Variants in RNF169 observed in about 807,000 individuals in gnomAD.
RNF169 encodes E3 ubiquitin-protein ligase RNF169.
RNF169 carries 24 observed loss-of-function variants against 53.9 expected under a neutral mutation model. The ratio of observed to expected loss-of-function variants is 0.45; its 90% CI spans 0.32 to 0.63. The LOEUF (loss-of-function observed/expected upper bound fraction) is 0.63. Ranked by LOEUF, RNF169 falls within the 20% of genes least tolerant of loss-of-function variation. The pLI is 0.04. For synonymous variants in RNF169, 396 were observed against 363.5 expected (o/e 1.09, Z -1.02); for missense variants, 883 against 906.2 (o/e 0.97, Z 0.33).
At chr11:74,764,941 C>T (rs537026025) in intron 1 of RNF169, among the ~76,000 whole-genome samples, 7 of 152,120 alleles carry the variant, frequency 4.6e-5, no homozygotes, top group South Asian at 2.1e-4. Flanking sequence ...AGACTGGACA[C>T]GGTGGTTCAT....
At chr11:74,833,648 T>C (rs775460677) in intron 4 of RNF169, among the ~76,000 whole-genome samples, 4 of 152,196 alleles carry the variant, frequency 2.6e-5, no homozygotes, top group Non-Finnish European at 4.4e-5. Context: ...TTCTCTGTAT[T>C]CTCAGTGCCT....
intron 2 of RNF169, among the ~76,000 whole-genome samples, chr11:74,796,784 G>A (rs1249210945): frequency 6.6e-6 from 1 of 152,216 alleles, no homozygotes; most frequent in African/African-American, 2.4e-5. Context: ...GAGCATATGA[G>A]TGGCTTAGGC....
At chr11:74,798,497 G>A (rs2035682419) in intron 2 of RNF169, among the ~76,000 whole-genome samples, 1 of 152,150 alleles carries the variant, frequency 6.6e-6, no homozygotes, top group Admixed American at 6.5e-5. Flanking sequence ...CCTGTCTCCT[G>A]ATAAGATGTT....
At chr11:74,829,898 T>C (rs1428901502) in intron 4 of RNF169, among the ~76,000 whole-genome samples, 1 of 152,088 alleles carries the variant, frequency 6.6e-6, no homozygotes, top group Non-Finnish European at 1.5e-5. Context: ...AAATAGCTAA[T>C]GGATGCTGGG....
rs771401645 is a variant in RNF169 at position 74,836,635 on chromosome 11, C to T, written c.2032C>T (p.Arg678Cys). 7.4e-6 allele frequency: 12 copies of T among 1,613,820 alleles called. No homozygotes were observed. Among genetic ancestry groups the T allele is most frequent in the African/African-American group, 4.0e-5 (3 of 74,896 alleles). ...EDRQLALQLQ[R>C]MFDNERRTVS... ...CCGACAGTTGGCTCTGCAGTTGCAG[C>T]GCATGTTCGACAATGAGAGGCGGAC... The change falls in exon 6 of 6, where the codon CGC becomes TGC. Residue 678 changes from arginine (R) to cysteine (C), a missense_variant. Coordinates refer to ENST00000299563, the MANE Select transcript of RNF169 (RefSeq NM_001098638.2).
intron 2 of RNF169, among the ~76,000 whole-genome samples, chr11:74,793,723 G>A (rs997457582): frequency 3.9e-5 from 6 of 152,188 alleles, no homozygotes; most frequent in Admixed American, 2.6e-4. Context: ...TTATCATTCT[G>A]TGAATAAGCT....
chr11:74,750,848 C>T (rs1259061013), intron 1 of RNF169, among the ~76,000 whole-genome samples: 5 of 148,314 alleles, frequency 3.4e-5, no homozygotes, highest in African/African-American at 5.0e-5. Context: ...GTGATCCGCC[C>T]GCCTTGGCCT....
intron 1 of RNF169, among the ~76,000 whole-genome samples, chr11:74,773,742 A>G (rs182372717): frequency 2.0e-5 from 3 of 152,314 alleles, no homozygotes; most frequent in African/African-American, 7.2e-5. Context: ...GAGTTTGCAT[A>G]CTGGTATTCT....
At chr11:74,793,871 C>T (rs1250732649) in intron 2 of RNF169, among the ~76,000 whole-genome samples, 1 of 152,082 alleles carries the variant, frequency 6.6e-6, no homozygotes. Flanking sequence ...TCCCACTGTC[C>T]TTCCCAGAAG....
intron 4 of RNF169, among the ~76,000 whole-genome samples, chr11:74,834,237 T>C (rs1445023669): frequency 6.6e-6 from 1 of 152,226 alleles, no homozygotes; most frequent in Non-Finnish European, 1.5e-5. Context: ...TACATAGAGA[T>C]CTAATGCACT....
chr11:74,753,045 C>T (rs772464491), intron 1 of RNF169, among the ~76,000 whole-genome samples: 20 of 152,162 alleles, frequency 1.3e-4, no homozygotes, highest in South Asian at 2.1e-4. Flanking sequence ...CTCGGTTCAC[C>T]GCAACCTCCG....
At chr11:74,803,807 A>AC (rs2035767084) in intron 2 of RNF169, among the ~76,000 whole-genome samples, 1 of 152,254 alleles carries the variant, frequency 6.6e-6, no homozygotes, top group Non-Finnish European at 1.5e-5. Context: ...ATAAACAATT[A>AC]TGAAGATAAA....
At chr11:74,811,958 AG>A (rs1296413423) in intron 3 of RNF169, among the ~76,000 whole-genome samples, 1 of 152,208 alleles carries the variant, frequency 6.6e-6, no homozygotes, top group Non-Finnish European at 1.5e-5. Context: ...TAGGGTCCTC[AG>A]GCAGAACAAC....
chr11:74,771,972 A>G (rs1229156428), intron 1 of RNF169, among the ~76,000 whole-genome samples: 2 of 152,218 alleles, frequency 1.3e-5, no homozygotes, highest in African/African-American at 4.8e-5. Flanking sequence ...TGTATATACA[A>G]ATACTAAAAA....
At chr11:74,786,680 C>T (rs1409407185) in intron 1 of RNF169, among the ~76,000 whole-genome samples, 1 of 152,162 alleles carries the variant, frequency 6.6e-6, no homozygotes, top group Non-Finnish European at 1.5e-5. Flanking sequence ...CTGCTGCATG[C>T]CACTCTACTG....
intron 3 of RNF169, among the ~76,000 whole-genome samples, chr11:74,812,943 T>G (rs77686911): frequency 0.023 from 3,534 of 152,346 alleles, 155 homozygotes; most frequent in African/African-American, 0.081. Context: ...ATATATTTGC[T>G]TTCCCCCAAA....
intron 2 of RNF169, among the ~76,000 whole-genome samples, chr11:74,792,739 A>G (rs184944012): frequency 6.6e-6 from 1 of 152,172 alleles, no homozygotes; most frequent in Non-Finnish European, 1.5e-5. Flanking sequence ...GAGAGAAGGA[A>G]ACCTTGAGGA....
At chr11:74,796,845 G>A (rs1479444082) in intron 2 of RNF169, among the ~76,000 whole-genome samples, 7 of 152,016 alleles carry the variant, frequency 4.6e-5, no homozygotes, top group East Asian at 1.9e-4. Flanking sequence ...TTCTTCCTCC[G>A]TTCTGGTTCT....
chr11:74,749,482 G>C, intron 1 of RNF169, 100 bp downstream of exon 1: 1 of 999,618 alleles, frequency 1.0e-6, no homozygotes, highest in Non-Finnish European at 1.2e-6. Context: ...TACTCGGGCG[G>C]GTGTGGAGAG....
Sources: allele counts gnomAD v4.1 joint callset (sites outside exome capture counted in the v4.1 genomes callset), GRCh38; gene constraint gnomAD v4.1.1; transcripts MANE v1.5; gene names NCBI Gene and HGNC (gene_info 2026-07-23, HGNC 2026-07-21).